Variants in SHC3 observed in about 807,000 individuals in gnomAD.
SHC3 encodes SHC-transforming protein 3.
A neutral mutation model predicts 60.4 loss-of-function variants in SHC3; 15 were observed. The observed-to-expected ratio is 0.25, with a 90% CI of 0.17 to 0.38. The LOEUF (loss-of-function observed/expected upper bound fraction) is 0.38. Ranked by LOEUF, SHC3 falls within the 10% of genes least tolerant of loss-of-function variation. SHC3 has a pLI of 1.00. For synonymous variants in SHC3, 294 were observed against 325.9 expected, an observed-to-expected ratio of 0.90 and a Z score of 1.05; for missense variants, 677 against 786.1, an observed-to-expected ratio of 0.86 and a Z score of 1.66.
chr9:89,131,494 A>C (rs1022830208), intron 1 of SHC3, among the ~76,000 whole-genome samples: 1 of 152,222 alleles, frequency 6.6e-6, no homozygotes, highest in African/African-American at 2.4e-5. Flanking sequence ...ATGCACATCG[A>C]TGCAAAAATC....
chr9:89,177,866 C>T, intron 1 of SHC3, 121 bp downstream of exon 1: 3 of 1,130,874 alleles, frequency 2.7e-6, no homozygotes, highest in Non-Finnish European at 3.3e-6. Flanking sequence ...TGCGCATTTG[C>T]TTGCCTCTAA....
At chr9:89,041,933 C>T in intron 10 of SHC3, 93 bp downstream of exon 10, 1 of 1,495,686 alleles carries the variant, frequency 6.7e-7, no homozygotes, top group Non-Finnish European at 9.1e-7. Flanking sequence ...ACCCTACTAT[C>T]AGAAAATTCA....
chr9:89,046,181 C>T (rs755113044), intron 8 of SHC3, among the ~76,000 whole-genome samples: 12 of 150,916 alleles, frequency 8.0e-5, no homozygotes, highest in Non-Finnish European at 1.8e-4. Context: ...ACACTTCCCA[C>T]ATAACACATA....
intron 11 of SHC3, among the ~76,000 whole-genome samples, chr9:89,037,086 C>T (rs570015341): frequency 1.3e-5 from 2 of 152,122 alleles, no homozygotes; most frequent in Non-Finnish European, 2.9e-5. Flanking sequence ...GCTGCTTCTG[C>T]AGAGACAGAA....
intron 11 of SHC3, among the ~76,000 whole-genome samples, chr9:89,013,813 A>AGGCTTTCTAGG (rs1826050465): frequency 6.6e-6 from 1 of 152,092 alleles, no homozygotes; most frequent in African/African-American, 2.4e-5. Context: ...CCAGGCCCCT[A>AGGCTTTCTAGG]GGACTCAGTT....
intron 4 of SHC3, among the ~76,000 whole-genome samples, chr9:89,073,148 A>G (rs1238891741): frequency 3.9e-5 from 6 of 152,236 alleles, no homozygotes; most frequent in African/African-American, 1.4e-4. Flanking sequence ...TATGGCTCTC[A>G]AAGTTTTACA....
chr9:89,090,951 C>A (rs1388790199), intron 2 of SHC3, among the ~76,000 whole-genome samples: 1 of 152,144 alleles, frequency 6.6e-6, no homozygotes, highest in Admixed American at 6.5e-5. Context: ...CAAAACTGTG[C>A]AAGACATGGC....
At chr9:89,107,527 G>A (rs1483930444) in intron 2 of SHC3, among the ~76,000 whole-genome samples, 1 of 152,230 alleles carries the variant, frequency 6.6e-6, no homozygotes, top group Non-Finnish European at 1.5e-5. Context: ...CATGCACACA[G>A]GCAAGCTGGT....
chr9:89,160,973 T>C (rs1274528524), intron 1 of SHC3, among the ~76,000 whole-genome samples: 1 of 152,220 alleles, frequency 6.6e-6, no homozygotes, highest in Admixed American at 6.5e-5. Flanking sequence ...GGTCACCTTC[T>C]GGACCAGTTG....
chr9:89,048,889 C>T (rs1474078516), intron 7 of SHC3, among the ~76,000 whole-genome samples: 6 of 152,152 alleles, frequency 3.9e-5, no homozygotes, highest in Non-Finnish European at 8.8e-5. Flanking sequence ...GGAGCCTCTG[C>T]AGGATAAGGT....
chr9:89,128,972 A>C (rs1297367455), intron 1 of SHC3, among the ~76,000 whole-genome samples: 2 of 152,208 alleles, frequency 1.3e-5, no homozygotes, highest in Non-Finnish European at 2.9e-5. Flanking sequence ...CTAAAGGAGG[A>C]TGTTCGAACC....
chr9:89,042,183 C>T lies in SHC3; in HGVS notation c.1203G>A (p.Gly401=). Reference sequence around the variant, plus strand: ...CTGGCGTGCTGTAGATGTCCGAGGACCCTGCAACAAGAAAGTGAGCCCCTT... The same window carrying T: ...CTGGCGTGCTGTAGATGTCCGAGGATCCTGCAACAAGAAAGTGAGCCCCTT... ...EDWQQTPLRQ[G]SSDIYSTPEG... is the part of the protein sequence containing the mutation. Residue 401 remains glycine (G), a splice_region_variant and synonymous_variant, in exon 10 of 12, where the codon GGG becomes GGA. Coordinates refer to ENST00000375835, the MANE Select transcript of SHC3 (RefSeq NM_016848.6). 1 of 1,500,038 alleles carries T rather than the reference C, an allele frequency of 6.7e-7. No individual in the cohort carries two copies. The highest frequency in any genetic ancestry group is 8.8e-7 in the Non-Finnish European group (1 of 1,129,972). 92.9% of individuals were successfully genotyped at this position (1,500,038 alleles called of 1,614,324 possible).
At chr9:89,121,480 G>C (rs1263230251) in intron 1 of SHC3, among the ~76,000 whole-genome samples, 8 of 152,088 alleles carry the variant, frequency 5.3e-5, no homozygotes, top group Admixed American at 5.2e-4. Context: ...AGTAGAGATG[G>C]GGTTTCTCCA....
chr9:89,081,829 T>G (rs540408624), intron 2 of SHC3, among the ~76,000 whole-genome samples: 17 of 152,160 alleles, frequency 1.1e-4, no homozygotes, highest in African/African-American at 3.6e-4. Flanking sequence ...CCTCCCTCCC[T>G]AAGGCCTGCC....
chr9:89,178,147 A>G lies in SHC3; in HGVS notation c.314T>C (p.Leu105Pro). 1 of 1,202,502 alleles carries G rather than the reference A, an allele frequency of 8.3e-7. No homozygotes were observed. The highest frequency in any genetic ancestry group is 1.0e-6 in the Non-Finnish European group (1 of 969,810). The allele number at this position is 1,202,502 out of a possible 1,614,324, so 74.5% of individuals were successfully genotyped here. The change falls in exon 1 of 12, where the codon CTG (leucine) becomes CCG (proline). Residue 105 changes from leucine to proline, a missense_variant. Physicochemically the swap from Leu to Pro is moderately conservative, Grantham distance 98. Transcript: ENST00000375835. This position sits in a 1 kb window ranked among gnomAD's most constrained non-coding sequence, Gnocchi z 6.9. ...RLSGSCSAPS[L>P]AAPDGSAPSA... ...GGGCGCACTGCCGTCCGGGGCGGCC[A>G]GGCTGGGCGCGCTGCAGCTGCCCGA... is the stretch of plus-strand genomic sequence containing the variant.
chr9:89,038,342 T>TAAAAA lies in SHC3; in HGVS notation c.1361-59_1361-55dup, dbSNP rs4061828. The TAAAAA allele has an allele frequency of 3.4e-4, 415 of 1,231,992 alleles. 4 individuals carry two copies. In the African/African-American group the frequency reaches 6.9e-3, roughly 20 times the overall value. 76.3% of individuals were successfully genotyped at this position (1,231,992 alleles called of 1,614,324 possible). On this transcript the variant is annotated intron_variant, in intron 10 of 11. Coordinates refer to ENST00000375835, the MANE Select transcript of SHC3 (RefSeq NM_016848.6). ...AGTCAATCCCAAGAAGAGCAAATGA[T>TAAAAA]AAAAAAAAAAAAAAAAAAATACAGT...
intron 1 of SHC3, among the ~76,000 whole-genome samples, chr9:89,131,452 C>G (rs1445874140): frequency 6.6e-6 from 1 of 152,044 alleles, no homozygotes; most frequent in African/African-American, 2.4e-5. Context: ...AGAGACACAA[C>G]AAAGAAAGAG....
At chr9:89,113,069 G>A (rs969346740) in intron 1 of SHC3, among the ~76,000 whole-genome samples, 13 of 150,516 alleles carry the variant, frequency 8.6e-5, no homozygotes, top group African/African-American at 3.0e-4. Flanking sequence ...ATGAAAACAT[G>A]ATATGACCAA....
intron 1 of SHC3, among the ~76,000 whole-genome samples, chr9:89,118,570 G>A (rs1407183199): frequency 6.6e-6 from 1 of 151,720 alleles, no homozygotes; most frequent in Non-Finnish European, 1.5e-5. Flanking sequence ...GACCACAGTT[G>A]CCTAATTTCA....
Sources: allele counts gnomAD v4.1 joint callset (sites outside exome capture counted in the v4.1 genomes callset), GRCh38; gene constraint gnomAD v4.1.1; non-coding constraint Gnocchi (gnomAD v3.1); transcripts MANE v1.5; gene names NCBI Gene and HGNC (gene_info 2026-07-23, HGNC 2026-07-21).